ALMS1: variants seen among roughly 807,000 people sequenced by gnomAD.
ALMS1 encodes the protein centrosome-associated protein ALMS1.
Under a neutral mutation model 352.2 loss-of-function variants are expected in ALMS1, and 271 were observed. The observed-to-expected ratio is 0.77, with a 90% confidence interval of 0.70 to 0.85. The LOEUF (loss-of-function observed/expected upper bound fraction) is 0.85. ALMS1 is among the 40% of genes least tolerant of loss of function. The pLI is 0.00. For synonymous variants in ALMS1, 1,865 were observed against 1,761.2 expected, an observed-to-expected ratio of 1.06 and a Z score of -1.48; for missense variants, 5,445 against 4,870.7, an observed-to-expected ratio of 1.12 and a Z score of -3.51.
chr2:73,424,537 G>T lies in ALMS1; in HGVS notation c.872G>T (p.Ser291Ile), dbSNP rs568470985. The T allele has an allele frequency of 1.6e-5, 26 of 1,612,296 alleles. No individual in the cohort carries two copies. The South Asian group carries it at 2.9e-4, about 18-fold the overall frequency. The part of the protein sequence containing the change: ...TAEVASDLAS[S>I]RFSVSQHPLI... The stretch of plus-strand genomic sequence containing the variant: ...GAAGTAGCTTCAGACTTAGCAAGCA[G>T]TCGCTTTAGTGTATCTCAGCACCCG... The change falls in exon 5 of 23, where the codon AGT becomes ATT. Residue 291 changes from serine (S) to isoleucine (I), a missense_variant. Transcript: ENST00000613296.
chr2:73,463,903 T>G (rs887293899), intron 9 of ALMS1, among the ~76,000 whole-genome samples: 2 of 151,930 alleles, frequency 1.3e-5, no homozygotes, highest in Admixed American at 1.3e-4. Flanking sequence ...CAGGAAGAAG[T>G]TGACTCTCTG....
Position 73,454,482 on chromosome 2 carries a change from T to C in ALMS1, c.7540+415T>C, listed in dbSNP as rs1165160712. ...AAAGAGCCTCCAATTTGCTGTGCTC[T>C]AAATTGCTTTTTGTCCTAAAACTAC... On this transcript the variant is annotated intron_variant, in intron 8 of 22. Coordinates refer to ENST00000613296, the MANE Select transcript of ALMS1 (RefSeq NM_001378454.1). 6.3e-6 allele frequency: 4 copies of C among 630,620 alleles called. No individual in the cohort carries two copies. In the African/African-American group the frequency reaches 8.0e-5, roughly 13 times the overall value. 39.1% of individuals were successfully genotyped at this position (630,620 alleles called of 1,614,324 possible).
chr2:73,608,692 C>G (rs1675872975), intron 22 of ALMS1, 118 bp downstream of exon 22: 1 of 812,732 alleles, frequency 1.2e-6, no homozygotes, highest in African/African-American at 1.7e-5. Flanking sequence ...GAGGAATGAA[C>G]TTAGAATGCA....
chr2:73,530,157 A>G (rs1036410700), intron 11 of ALMS1, among the ~76,000 whole-genome samples: 1 of 152,210 alleles, frequency 6.6e-6, no homozygotes, highest in African/African-American at 2.4e-5. Flanking sequence ...TCATTCTAGC[A>G]TTAACCCAAA....
intron 7 of ALMS1, among the ~76,000 whole-genome samples, chr2:73,440,356 T>C (rs1211102854): frequency 6.6e-6 from 1 of 152,204 alleles, no homozygotes; most frequent in East Asian, 1.9e-4. Flanking sequence ...TTATGTCTCA[T>C]CAAATTTGGG....
chr2:73,428,251 A>G (rs1225079987), intron 6 of ALMS1, among the ~76,000 whole-genome samples: 1 of 152,154 alleles, frequency 6.6e-6, no homozygotes, highest in African/African-American at 2.4e-5. Flanking sequence ...TATCATCCCT[A>G]TTTTGCAATT....
At chr2:73,387,892 T>C (rs1324348689) in intron 1 of ALMS1, among the ~76,000 whole-genome samples, 2 of 152,086 alleles carry the variant, frequency 1.3e-5, no homozygotes, top group African/African-American at 2.4e-5. Flanking sequence ...AGTGGACTGA[T>C]TTGAGAGATA....
Position 73,533,239 on chromosome 2 carries a change from G to A in ALMS1, c.9782-1585G>A, listed in dbSNP as rs190281253. On this transcript the variant is annotated intron_variant, in intron 11 of 22. Coordinates refer to ENST00000613296, the MANE Select transcript of ALMS1 (RefSeq NM_001378454.1). The stretch of plus-strand genomic sequence containing the variant: ...GCCATTTTGGCTGGTGTCTTACTAG[G>A]TTGCATACGCCCAAGTCAGCTGGCT... Among the ~76,000 whole-genome samples, 26 of 152,336 alleles carry A rather than the reference G, an allele frequency of 1.7e-4. 1 individual carries two copies. The highest frequency in any genetic ancestry group is 6.8e-3 in the Middle Eastern group (2 of 294).
chr2:73,398,174 G>T (rs1670801022), intron 1 of ALMS1, among the ~76,000 whole-genome samples: 1 of 152,192 alleles, frequency 6.6e-6, no homozygotes, highest in Non-Finnish European at 1.5e-5. Flanking sequence ...AAGGATGTCA[G>T]ATCTGTTTCT....
chr2:73,469,784 TC>T (rs1672431127), intron 9 of ALMS1: 1 of 151,854 alleles, frequency 6.6e-6, no homozygotes, highest in South Asian at 2.1e-4. Context: ...GGGAAAATGT[TC>T]GACAATTGTT....
chr2:73,517,679 CAG>C (rs1241985739), intron 10 of ALMS1, among the ~76,000 whole-genome samples: 2 of 151,338 alleles, frequency 1.3e-5, no homozygotes, highest in African/African-American at 4.9e-5. Context: ...TTTTTGAAGA[CAG>C]AGTTTTGCTC....
chr2:73,522,864 T>A (rs990897148), intron 11 of ALMS1, among the ~76,000 whole-genome samples: 3 of 152,218 alleles, frequency 2.0e-5, no homozygotes, highest in Non-Finnish European at 2.9e-5. Flanking sequence ...TTAATCATAC[T>A]CCTTTTAAAA....
chr2:73,417,074 C>T (rs965873937), intron 2 of ALMS1, among the ~76,000 whole-genome samples: 2 of 151,974 alleles, frequency 1.3e-5, no homozygotes, highest in African/African-American at 4.8e-5. Context: ...GCCTGGTTAA[C>T]AGAGCAAAAG....
intron 15 of ALMS1, among the ~76,000 whole-genome samples, chr2:73,562,111 TAAAG>T (rs1018297644): frequency 6.6e-6 from 1 of 151,644 alleles, no homozygotes; most frequent in Non-Finnish European, 1.5e-5. Context: ...AATAGAAAAA[TAAAG>T]ATATAAGGAA....
At chr2:73,556,386 C>G (rs1033903125) in intron 13 of ALMS1, among the ~76,000 whole-genome samples, 2 of 151,750 alleles carry the variant, frequency 1.3e-5, no homozygotes, top group African/African-American at 4.8e-5. Flanking sequence ...ATAAAAAAAT[C>G]AAAAATGATC....
In ALMS1 at chr2:73,411,528, G is replaced by A. The variant is rs1671077182; in HGVS notation, c.450+2781G>A. On this transcript the variant is annotated intron_variant, in intron 2 of 22. Transcript: ENST00000613296. Reference sequence around the variant, plus strand: ...TTTGGTAGAGCACAGTCCAAAAATTGATGTCTTCCTTTTTTTCCTGTTTCA... The same window carrying A: ...TTTGGTAGAGCACAGTCCAAAAATTAATGTCTTCCTTTTTTTCCTGTTTCA... Among the ~76,000 whole-genome samples, 10 of 152,270 alleles carry A rather than the reference G, an allele frequency of 6.6e-5. No individual in the cohort carries two copies. The South Asian group carries it at 2.1e-3, about 32-fold the overall frequency.
intron 2 of ALMS1, among the ~76,000 whole-genome samples, chr2:73,416,785 A>G (rs1226598405): frequency 3.5e-5 from 2 of 57,932 alleles, no homozygotes; most frequent in Non-Finnish European, 7.0e-5. Context: ...TAAATAAATA[A>G]AGCAAATTGA....
chr2:73,415,424 TTGAA>T (rs143471815), intron 2 of ALMS1, among the ~76,000 whole-genome samples: 2,431 of 152,070 alleles, frequency 0.016, 63 homozygotes, highest in African/African-American at 0.055. Flanking sequence ...TGAAAAAAAT[TTGAA>T]TGAGATAGGA....
intron 9 of ALMS1, among the ~76,000 whole-genome samples, chr2:73,481,467 T>C (rs900063471): frequency 6.6e-6 from 1 of 152,194 alleles, no homozygotes; most frequent in Non-Finnish European, 1.5e-5. Context: ...CCATGCTGTT[T>C]TGGTTACTGT....
Sources: gnomAD v4.1 joint callset for allele counts (sites outside exome capture counted in the v4.1 genomes callset) on GRCh38, gnomAD v4.1.1 for gene constraint, MANE v1.5 for transcripts, NCBI Gene and HGNC (gene_info 2026-07-23, HGNC 2026-07-21) for gene names.